Variants in ZFHX3 observed in about 807,000 individuals in gnomAD.
ZFHX3 encodes the protein zinc finger homeobox protein 3.
A neutral mutation model predicts 279.1 loss-of-function variants in ZFHX3; 42 were observed. The ratio of observed to expected loss-of-function variants is 0.15; its 90% CI spans 0.12 to 0.19. The LOEUF (loss-of-function observed/expected upper bound fraction) is 0.19, where lower values mean the gene tolerates loss of function less well. Ranked by LOEUF, ZFHX3 falls within the 10% of genes least tolerant of loss-of-function variation. ZFHX3 has a pLI of 1.00. For synonymous variants in ZFHX3, 2,293 were observed against 1,957.8 expected (o/e 1.17, Z -4.52); for missense variants, 4,981 against 4,754.0 (o/e 1.05, Z -1.40).
chr16:73,565,942 T>C (rs1373108271), intron 2 of ZFHX3, among the ~76,000 whole-genome samples: 1 of 152,130 alleles, frequency 6.6e-6, no homozygotes, highest in African/African-American at 2.4e-5. Flanking sequence ...CACATAAAAA[T>C]TTGGGCCGGG....
chr16:72,947,059 G>A (rs1960719592), intron 3 of ZFHX3, among the ~76,000 whole-genome samples: 1 of 152,174 alleles, frequency 6.6e-6, no homozygotes, highest in South Asian at 2.1e-4. Context: ...GTTAGGACGT[G>A]GACATGTGAG....
At chr16:73,809,620 G>A (rs934541854) in intron 1 of ZFHX3, 6 of 152,154 alleles carry the variant, frequency 3.9e-5, no homozygotes, top group African/African-American at 1.4e-4. Flanking sequence ...ACAGGATCCT[G>A]AAGAGGGTGG....
chr16:73,890,549 T>C (rs1384216071), intron 1 of ZFHX3, among the ~76,000 whole-genome samples: 4 of 152,248 alleles, frequency 2.6e-5, no homozygotes, highest in Non-Finnish European at 5.9e-5. Flanking sequence ...TTCGGTTTTT[T>C]AATTTTTTGT....
intron 3 of ZFHX3, 54 bp from the exon 4 acceptor site, chr16:72,890,016 A>G (rs996500585): frequency 2.6e-6 from 4 of 1,515,026 alleles, no homozygotes; most frequent in Admixed American, 3.8e-5. Context: ...CGAAGCGGCC[A>G]CTGGCATCAG....
chr16:72,961,898 C>A (rs916132095), intron 1 of ZFHX3, among the ~76,000 whole-genome samples: 1 of 144,058 alleles, frequency 6.9e-6, no homozygotes, highest in South Asian at 2.1e-4. Flanking sequence ...CCAAACCAAA[C>A]CAAACCAAAC....
At chr16:72,936,602 G>A (rs1292215581) in intron 3 of ZFHX3, among the ~76,000 whole-genome samples, 1 of 152,198 alleles carries the variant, frequency 6.6e-6, no homozygotes, top group Non-Finnish European at 1.5e-5. Context: ...CCCTGTGGCA[G>A]GCGCCAGCTT....
chr16:73,381,019 CTT>C (rs1160941435), intron 3 of ZFHX3, among the ~76,000 whole-genome samples: 1 of 152,150 alleles, frequency 6.6e-6, no homozygotes, highest in Admixed American at 6.5e-5. Context: ...TCTTTTAACT[CTT>C]TTAGTAGTTA....
intron 8 of ZFHX3, among the ~76,000 whole-genome samples, chr16:73,075,524 C>T (rs1359073438): frequency 1.3e-5 from 2 of 152,026 alleles, no homozygotes; most frequent in African/African-American, 2.4e-5. Context: ...TCACCTTACA[C>T]GCAAAGCCTA....
intron 1 of ZFHX3, among the ~76,000 whole-genome samples, chr16:73,802,896 C>T (rs1960181609): frequency 6.6e-6 from 1 of 152,208 alleles, no homozygotes; most frequent in Non-Finnish European, 1.5e-5. Context: ...CGACTCACTG[C>T]AACCTCCACT....
rs1807843182 is a variant in ZFHX3, at chr16:72,957,829, C to A, written c.2317G>T (p.Ala773Ser). The part of the protein sequence containing the change: ...EQVFSHTAGA[A>S]AAAVAAAAAA... Reference sequence around the variant, plus strand: ...GCCGCCGCAGCCACCGCCGCCGCCGCCGCCCCGGCAGTGTGGCTGAAGACC... The same window carrying A: ...GCCGCCGCAGCCACCGCCGCCGCCGACGCCCCGGCAGTGTGGCTGAAGACC... The change falls in exon 2 of 10, where the codon GCG (alanine) becomes TCG (serine). Residue 773 changes from alanine (A) to serine (S), a missense_variant. Around this residue, in one of 7 missense-constraint regions of ZFHX3, gnomAD observed 1,751 missense variants for 1,770.0 expected, o/e 0.99. Coordinates refer to ENST00000268489, the MANE Select transcript of ZFHX3 (RefSeq NM_006885.4). The A allele has an allele frequency of 6.2e-7, 1 of 1,611,326 alleles. No homozygotes were observed. Among genetic ancestry groups the A allele is most frequent in the Non-Finnish European group, 8.5e-7 (1 of 1,178,656 alleles).
chr16:73,356,656 A>G (rs2143300862), intron 3 of ZFHX3, among the ~76,000 whole-genome samples: 1 of 152,192 alleles, frequency 6.6e-6, no homozygotes, highest in South Asian at 2.1e-4. Context: ...TATGCTGAGC[A>G]CCTTCTTGTG....
In ZFHX3 at chr16:72,796,381, T is replaced by C; in HGVS notation, c.6301A>G (p.Met2101Val). ...GTCTGCAGCGGCATCGTCTGCATCA[T>C]CAGCGGCGAGAAGATGGGCAGCTCC... Reference protein sequence around the residue: ...PMELPIFSPLMMQTMPLQTLP... With the variant: ...PMELPIFSPLVMQTMPLQTLP... The change falls in exon 9 of 10, where the codon ATG becomes GTG. Residue 2101 changes from methionine to valine, a missense_variant. Coordinates refer to ENST00000268489, the MANE Select transcript of ZFHX3 (RefSeq NM_006885.4). 1.2e-6 allele frequency: 2 copies of C among 1,613,550 alleles called. No homozygotes were observed. Among genetic ancestry groups the C allele is most frequent in the Middle Eastern group, 1.6e-4 (1 of 6,062 alleles).
intron 2 of ZFHX3, among the ~76,000 whole-genome samples, chr16:73,495,462 C>T (rs531560134): frequency 3.3e-5 from 5 of 152,256 alleles, no homozygotes; most frequent in East Asian, 1.9e-4. Context: ...TAAAATGGAA[C>T]GGCTGAAATC....
At chr16:73,234,685 G>A (rs979965153) in intron 5 of ZFHX3, among the ~76,000 whole-genome samples, 3 of 152,200 alleles carry the variant, frequency 2.0e-5, no homozygotes, top group Non-Finnish European at 4.4e-5. Flanking sequence ...GTGTGTCTGT[G>A]TTAATAATAT....
rs150708008 is a variant in ZFHX3, at chr16:72,958,606, C to T, written c.1540G>A (p.Ala514Thr). 200 of 1,614,106 alleles carry T rather than the reference C, an allele frequency of 1.2e-4. 1 individual carries two copies. In the Middle Eastern group the frequency reaches 2.1e-3, roughly 17 times the overall value. The change falls in exon 2 of 10, where the codon GCA (alanine) becomes ACA (threonine). Residue 514 changes from alanine to threonine, a missense_variant. Ala to Thr is a moderately conservative substitution (Grantham distance 58, BLOSUM62 0). Around this residue, in one of 7 missense-constraint regions of ZFHX3, gnomAD observed 1,068 missense variants for 935.2 expected, o/e 1.14. Coordinates refer to ENST00000268489, the MANE Select transcript of ZFHX3 (RefSeq NM_006885.4). ...TCCTTTTTGCTGCTACTACCTGCTGCGGCCCCAGGCTCCTCATGGGGCCTG... is the reference window on the plus strand; with the variant it reads ...TCCTTTTTGCTGCTACTACCTGCTGTGGCCCCAGGCTCCTCATGGGGCCTG... ...EDRPHEEPGAAAGSSSKKDLA... is the reference protein window; with the variant it reads ...EDRPHEEPGATAGSSSKKDLA...
At chr16:73,857,587 A>C (rs1161219965) in intron 1 of ZFHX3, among the ~76,000 whole-genome samples, 1 of 152,172 alleles carries the variant, frequency 6.6e-6, no homozygotes, top group African/African-American at 2.4e-5. Context: ...AAGTCTCGTG[A>C]AACGTGGGAT....
intron 5 of ZFHX3, among the ~76,000 whole-genome samples, chr16:72,815,689 A>G (rs184489634): frequency 6.6e-6 from 1 of 152,228 alleles, no homozygotes; most frequent in Non-Finnish European, 1.5e-5. Flanking sequence ...ACAATATACA[A>G]AACACTTTTA....
At chr16:73,715,641 C>T (rs1038740498) in intron 1 of ZFHX3, among the ~76,000 whole-genome samples, 3 of 139,046 alleles carry the variant, frequency 2.2e-5, no homozygotes, top group South Asian at 4.6e-4. Context: ...GGTGCGATCT[C>T]GGCTCTCTGC....
chr16:73,088,036 C>G (rs903284634), intron 8 of ZFHX3, among the ~76,000 whole-genome samples: 1 of 152,148 alleles, frequency 6.6e-6, no homozygotes, highest in Admixed American at 6.5e-5. Context: ...CCATGTTGGC[C>G]AGGCTGGTCT....
Sources: gnomAD v4.1 joint callset for allele counts (sites outside exome capture counted in the v4.1 genomes callset) on GRCh38, gnomAD v4.1.1 for gene constraint, gnomAD v4.1.1 regional missense constraint, MANE v1.5 for transcripts, NCBI Gene and HGNC (gene_info 2026-07-23, HGNC 2026-07-21) for gene names.